The following DRC11 variants were observed in gnomAD, a reference collection of about 807,000 sequenced individuals.
The protein encoded by DRC11 is IQ and AAA domain-containing protein 1.
At chr2:236,358,643 T>G in the DRC11 span, among the ~76,000 whole-genome samples, 5 of 145,246 alleles carry the variant, frequency 3.4e-5, no homozygotes, top group Admixed American at 2.7e-4. Context: ...ATCTCTGCCC[T>G]GGAGTCAGGC....
chr2:236,355,233 G>T, the DRC11 span, among the ~76,000 whole-genome samples: 1 of 152,142 alleles, frequency 6.6e-6, no homozygotes, highest in Non-Finnish European at 1.5e-5. Flanking sequence ...GCGCTAGTGA[G>T]GTGTCTGTCT....
chr2:236,406,273 ATGT>A, the DRC11 span, among the ~76,000 whole-genome samples: 55 of 152,286 alleles, frequency 3.6e-4, 1 homozygote, highest in East Asian at 9.6e-3. This position sits in a 1 kb window ranked among gnomAD's most constrained non-coding sequence, Gnocchi z 4.7. Context: ...CCCTCCCCAA[ATGT>A]TAACTACTGC....
the DRC11 span, among the ~76,000 whole-genome samples, chr2:236,389,248 C>T: frequency 6.6e-6 from 1 of 152,160 alleles, no homozygotes; most frequent in South Asian, 2.1e-4. Flanking sequence ...ATGGCGGGCG[C>T]CCCTCCCCCA....
chr2:236,437,590 C>T, the DRC11 span, among the ~76,000 whole-genome samples: 2 of 150,096 alleles, frequency 1.3e-5, no homozygotes, highest in African/African-American at 4.9e-5. Context: ...TCTCCACATC[C>T]TCTCCAGCAC....
chr2:236,394,142 C>T, the DRC11 span, among the ~76,000 whole-genome samples: 5 of 152,240 alleles, frequency 3.3e-5, no homozygotes, highest in South Asian at 4.1e-4. This position sits in a 1 kb window ranked among gnomAD's most constrained non-coding sequence, Gnocchi z 7.0. Context: ...CTGTACCCCT[C>T]GAGGGGAGAG....
chr2:236,502,548 C>CAAAAAAAAAAAAAAAAAAAAAAA, the DRC11 span, among the ~76,000 whole-genome samples: 6 of 15,092 alleles, frequency 4.0e-4, no homozygotes, highest in African/African-American at 7.0e-4. Flanking sequence ...TGCACTCCAG[C>CAAAAAAAAAAAAAAAAAAAAAAA]AAAAAAAAAA....
At chr2:236,371,309 A>C in the DRC11 span, among the ~76,000 whole-genome samples, 1 of 152,158 alleles carries the variant, frequency 6.6e-6, no homozygotes, top group Non-Finnish European at 1.5e-5. This position sits in a 1 kb window ranked among gnomAD's most constrained non-coding sequence, Gnocchi z 5.1. Context: ...TCAAGGTGTT[A>C]AAAAGGAACC....
chr2:236,438,572 T>G, the DRC11 span, among the ~76,000 whole-genome samples: 3,412 of 152,070 alleles, frequency 0.022, 120 homozygotes, highest in African/African-American at 0.077. Flanking sequence ...TTCCTACCCA[T>G]GAGCATGGAA....
chr2:236,420,190 T>C, the DRC11 span, among the ~76,000 whole-genome samples: 1 of 152,194 alleles, frequency 6.6e-6, no homozygotes, highest in Non-Finnish European at 1.5e-5. This position sits in a 1 kb window ranked among gnomAD's most constrained non-coding sequence, Gnocchi z 4.8. Context: ...TGCCCTGTTT[T>C]ATGGATGAGG....
chr2:236,342,296 C>T, the DRC11 span, among the ~76,000 whole-genome samples: 4 of 152,188 alleles, frequency 2.6e-5, no homozygotes, highest in African/African-American at 9.7e-5. This position sits in a 1 kb window ranked among gnomAD's most constrained non-coding sequence, Gnocchi z 5.8. Flanking sequence ...GAGGCCGGGG[C>T]AGGTGGGAGG....
the DRC11 span, among the ~76,000 whole-genome samples, chr2:236,390,570 G>A: frequency 2.0e-5 from 3 of 152,178 alleles, no homozygotes; most frequent in Non-Finnish European, 4.4e-5. This position sits in a 1 kb window ranked among gnomAD's most constrained non-coding sequence, Gnocchi z 5.9. Flanking sequence ...GTAACTTAAC[G>A]ATGTTTTGTA....
the DRC11 span, among the ~76,000 whole-genome samples, chr2:236,411,391 C>A: frequency 4.0e-5 from 6 of 149,894 alleles, no homozygotes; most frequent in South Asian, 2.1e-4. Flanking sequence ...AAAAGTCAGG[C>A]AACAACAGGT....
the DRC11 span, among the ~76,000 whole-genome samples, chr2:236,422,467 T>G: frequency 6.6e-6 from 1 of 152,094 alleles, no homozygotes; most frequent in Non-Finnish European, 1.5e-5. Flanking sequence ...TCAAAGAGAA[T>G]AAAATATCTA....
At chr2:236,355,459 G>C in the DRC11 span, among the ~76,000 whole-genome samples, 1 of 152,198 alleles carries the variant, frequency 6.6e-6, no homozygotes, top group African/African-American at 2.4e-5. Context: ...AGCTGCGTCC[G>C]CACGCAGTGG....
the DRC11 span, among the ~76,000 whole-genome samples, chr2:236,460,577 A>G: frequency 6.6e-6 from 1 of 152,126 alleles, no homozygotes; most frequent in Admixed American, 6.5e-5. The surrounding 1 kb of genome is among the most constrained non-coding windows in gnomAD (Gnocchi z 4.0). Flanking sequence ...CTTTGTCCTC[A>G]TATTTTTTAA....
the DRC11 span, among the ~76,000 whole-genome samples, chr2:236,438,709 C>T: frequency 6.6e-6 from 1 of 152,032 alleles, no homozygotes; most frequent in Non-Finnish European, 1.5e-5. Flanking sequence ...AGCTCTGCAC[C>T]AAGCGGACCT....
chr2:236,363,990 C>A, the DRC11 span: 88 of 1,609,862 alleles, frequency 5.5e-5, no homozygotes, highest in Admixed American at 1.7e-4. The surrounding 1 kb of genome is among the most constrained non-coding windows in gnomAD (Gnocchi z 5.6). Context: ...CTAAAAAAGG[C>A]AGAGGCAAAG....
chr2:236,402,223 C>G, the DRC11 span, among the ~76,000 whole-genome samples: 1 of 152,318 alleles, frequency 6.6e-6, no homozygotes, highest in Middle Eastern at 3.4e-3. This position sits in a 1 kb window ranked among gnomAD's most constrained non-coding sequence, Gnocchi z 6.0. Context: ...TAGCTCTGAT[C>G]AAGTCACCTC....
At chr2:236,367,300 CAT>C in the DRC11 span, among the ~76,000 whole-genome samples, 5 of 147,830 alleles carry the variant, frequency 3.4e-5, no homozygotes, top group Non-Finnish European at 7.4e-5. This position sits in a 1 kb window ranked among gnomAD's most constrained non-coding sequence, Gnocchi z 4.8. Flanking sequence ...TTATATAAAA[CAT>C]ATATATTATA....
Sources: gnomAD v4.1 joint callset for allele counts (sites outside exome capture counted in the v4.1 genomes callset) on GRCh38, gnomAD v4.1.1 for gene constraint, Gnocchi (gnomAD v3.1) non-coding constraint, MANE v1.5 for transcripts, NCBI Gene and HGNC (gene_info 2026-07-23, HGNC 2026-07-21) for gene names.